The following IGSF5 variants were observed in gnomAD, a reference collection of about 807,000 sequenced individuals.
The protein encoded by IGSF5 is immunoglobulin superfamily 5 like.
IGSF5 carries 41 observed loss-of-function variants against 39.4 expected under a neutral mutation model. That is an observed-to-expected ratio of 1.04 (90% CI 0.81 to 1.35). IGSF5 has a LOEUF of 1.35. Among genes scored for constraint, IGSF5 ranks in the 40% most tolerant of loss-of-function variants. The pLI is 0.00. For synonymous variants in IGSF5, 183 were observed against 175.3 expected (o/e 1.04, Z -0.34); for missense variants, 487 against 494.6 (o/e 0.98, Z 0.15).
intron 7 of IGSF5, among the ~76,000 whole-genome samples, chr21:39,792,657 C>A (rs920991711): frequency 1.6e-4 from 24 of 152,106 alleles, no homozygotes; most frequent in African/African-American, 5.6e-4. Flanking sequence ...AGTAAGAGAT[C>A]TCTTCCCCTT....
chr21:39,723,432 G>A, the IGSF5 span, among the ~76,000 whole-genome samples: 2 of 152,214 alleles, frequency 1.3e-5, no homozygotes, highest in Non-Finnish European at 2.9e-5. Flanking sequence ...TGGAATCACA[G>A]AAGTGACTTT....
At chr21:39,754,189 G>A (rs747433214) in intron 2 of IGSF5, among the ~76,000 whole-genome samples, 17 of 152,216 alleles carry the variant, frequency 1.1e-4, no homozygotes, top group Admixed American at 1.3e-4. Flanking sequence ...TGGTTTGGTA[G>A]TGGCAAATGC....
rs113398436 is a variant in IGSF5 at position 39,747,797 on chromosome 21, GA to G, written c.100+1500del. Among the ~76,000 whole-genome samples, 409 of 152,188 alleles carry G rather than the reference GA, an allele frequency of 2.7e-3. 3 individuals carry two copies. Among genetic ancestry groups the G allele is most frequent in the African/African-American group, 9.6e-3 (398 of 41,514 alleles). ...GGGCTTCCTATTGCATTTTTCTTCT[GA>G]TTCAGTTGAGCTAGGGTGACAACTC... On this transcript the variant is annotated intron_variant, in intron 2 of 8. Transcript: ENST00000380588.
the IGSF5 span, among the ~76,000 whole-genome samples, chr21:39,717,576 A>C: frequency 1.3e-5 from 2 of 152,316 alleles, no homozygotes; most frequent in African/African-American, 4.8e-5. Flanking sequence ...CAGTTGTCCC[A>C]GCACCACTTA....
chr21:39,711,902 T>C, the IGSF5 span, among the ~76,000 whole-genome samples: 1 of 152,078 alleles, frequency 6.6e-6, no homozygotes, highest in African/African-American at 2.4e-5. Flanking sequence ...TTGCTGCTGG[T>C]TGTATGGCAA....
chr21:39,754,322 C>T (rs536971635), intron 2 of IGSF5, among the ~76,000 whole-genome samples: 75 of 152,332 alleles, frequency 4.9e-4, no homozygotes, highest in African/African-American at 1.8e-3. Flanking sequence ...ACTTCAATCC[C>T]TTCTGGCTTA....
intron 6 of IGSF5, among the ~76,000 whole-genome samples, chr21:39,788,610 G>A (rs969089711): frequency 4.6e-5 from 7 of 152,216 alleles, no homozygotes; most frequent in African/African-American, 1.4e-4. Context: ...TGCAAGTCAC[G>A]TGAAACTGTC....
At chr21:39,787,894 A>G (rs550080038) in intron 5 of IGSF5, among the ~76,000 whole-genome samples, 27 of 152,212 alleles carry the variant, frequency 1.8e-4, no homozygotes, top group African/African-American at 6.3e-4. Flanking sequence ...ATAAGTAAAT[A>G]CCCCTGGGTG....
chr21:39,772,796 G>A (rs936123782), intron 4 of IGSF5, among the ~76,000 whole-genome samples: 1 of 152,182 alleles, frequency 6.6e-6, no homozygotes, highest in African/African-American at 2.4e-5. Context: ...TATAGGTAAT[G>A]TAATGTGGTC....
the IGSF5 span, among the ~76,000 whole-genome samples, chr21:39,739,847 G>A: frequency 1.3e-5 from 2 of 152,146 alleles, no homozygotes; most frequent in African/African-American, 2.4e-5. Flanking sequence ...CTTTAATTCT[G>A]GAAGAGACAA....
intron 3 of IGSF5, among the ~76,000 whole-genome samples, chr21:39,769,467 CAAAAAA>C (rs34427585): frequency 1.3e-5 from 1 of 79,846 alleles, no homozygotes; most frequent in Non-Finnish European, 2.4e-5. Flanking sequence ...AAGTCTGTCT[CAAAAAA>C]AAAAAAAAAA....
chr21:39,767,560 A>G (rs578085691), intron 3 of IGSF5, among the ~76,000 whole-genome samples: 1 of 152,276 alleles, frequency 6.6e-6, no homozygotes, highest in South Asian at 2.1e-4. Flanking sequence ...AGCCTTTACC[A>G]CACCTGGCTC....
At chr21:39,723,422 T>C in the IGSF5 span, among the ~76,000 whole-genome samples, 1 of 152,162 alleles carries the variant, frequency 6.6e-6, no homozygotes, top group East Asian at 1.9e-4. Flanking sequence ...TGCAATCCCA[T>C]GGAATCACAG....
chr21:39,722,007 G>T, the IGSF5 span, among the ~76,000 whole-genome samples: 7 of 152,216 alleles, frequency 4.6e-5, no homozygotes, highest in Admixed American at 4.6e-4. Context: ...GAGTACAAAA[G>T]CAGCCACAGA....
rs143004418 is a variant in IGSF5 at position 39,765,674 on chromosome 21, C to T, written c.240C>T (p.Ser80=). The change falls in exon 3 of 9, where the codon AGC becomes AGT. Residue 80 remains serine (S), a synonymous_variant. Transcript: ENST00000380588. The part of the protein sequence containing the change: ...MWALSDMVVL[S]VRPMEPIITN... The stretch of plus-strand genomic sequence containing the variant: ...CTCTCAGTGACATGGTGGTGCTAAG[C>T]GTCAGGCCCATGGAGCCCATCATCA... The T allele has an allele frequency of 2.4e-5, 39 of 1,613,862 alleles. No homozygotes were observed. Among genetic ancestry groups the T allele is most frequent in the East Asian group, 1.8e-4 (8 of 44,840 alleles).
chr21:39,764,320 TATA>T (rs902096611), intron 2 of IGSF5, among the ~76,000 whole-genome samples: 1 of 152,210 alleles, frequency 6.6e-6, no homozygotes, highest in African/African-American at 2.4e-5. Context: ...CCTTTAGGGC[TATA>T]ATGAGATTCT....
chr21:39,718,451 C>A, the IGSF5 span, among the ~76,000 whole-genome samples: 2 of 152,128 alleles, frequency 1.3e-5, no homozygotes, highest in East Asian at 1.9e-4. Flanking sequence ...ATGCTTCCAG[C>A]TTTTGCCCAT....
the IGSF5 span, among the ~76,000 whole-genome samples, chr21:39,735,063 T>C: frequency 1.3e-5 from 2 of 152,070 alleles, no homozygotes; most frequent in African/African-American, 4.8e-5. Context: ...GGGGTTTCAG[T>C]ATGTTGGCCA....
At chr21:39,792,123 A>G in intron 7 of IGSF5, 24 bp downstream of exon 7, 1 of 1,518,358 alleles carries the variant, frequency 6.6e-7, no homozygotes, top group Non-Finnish European at 9.1e-7. Context: ...AGGGGTGGTG[A>G]AAAGACCTGG....
Sources: allele counts gnomAD v4.1 joint callset (sites outside exome capture counted in the v4.1 genomes callset), GRCh38; gene constraint gnomAD v4.1.1; transcripts MANE v1.5; gene names NCBI Gene and HGNC (gene_info 2026-07-23, HGNC 2026-07-21).